Variants in HOOK1 observed in about 807,000 individuals in gnomAD.
HOOK1 encodes the protein protein Hook homolog 1.
In HOOK1, 60 loss-of-function variants were observed where a neutral mutation model predicts 112.8. The ratio of observed to expected loss-of-function variants is 0.53; its 90% confidence interval spans 0.43 to 0.66. HOOK1 has a LOEUF of 0.66. HOOK1 is among the 30% of genes least tolerant of loss of function. The pLI is 0.00. For synonymous variants in HOOK1, 294 were observed against 283.8 expected (o/e 1.04, Z -0.36); for missense variants, 770 against 856.0 (o/e 0.90, Z 1.25).
intron 19 of HOOK1, among the ~76,000 whole-genome samples, chr1:59,866,218 G>C (rs1229377061): frequency 6.6e-6 from 1 of 152,198 alleles, no homozygotes; most frequent in African/African-American, 2.4e-5. Context: ...CGTGATGTCA[G>C]AGAGAGTGAT....
chr1:59,833,891 CATAA>C (rs1375936081), intron 5 of HOOK1, among the ~76,000 whole-genome samples: 6 of 152,112 alleles, frequency 3.9e-5, no homozygotes, highest in South Asian at 2.1e-4. Context: ...ATTCAGTTTT[CATAA>C]ATAAATATTC....
At chr1:59,861,772 G>A (rs1048812744) in intron 15 of HOOK1, among the ~76,000 whole-genome samples, 14 of 152,114 alleles carry the variant, frequency 9.2e-5, no homozygotes, top group African/African-American at 3.4e-4. Flanking sequence ...TTACTATAAG[G>A]GTATTTGGAT....
intron 4 of HOOK1, among the ~76,000 whole-genome samples, chr1:59,832,835 C>G (rs2098394951): frequency 6.6e-6 from 1 of 151,788 alleles, no homozygotes; most frequent in Non-Finnish European, 1.5e-5. Context: ...TAATTTCTTC[C>G]CAAAATGTTT....
intron 15 of HOOK1, 52 bp downstream of exon 15, chr1:59,860,380 TA>T: frequency 6.9e-7 from 1 of 1,444,924 alleles, no homozygotes; most frequent in Non-Finnish European, 9.3e-7. Context: ...TACCGAGCCA[TA>T]AAATCTTGAT....
chr1:59,848,459 A>G lies in HOOK1; in HGVS notation c.1074A>G (p.Glu358=). Residue 358 remains glutamate (E), a synonymous_variant, in exon 11 of 22, where the codon GAA becomes GAG. Transcript: ENST00000371208. ...ATATGCATAATACAGTCAGCTTAGA[A>G]GAAGAATTAAAAAAAGCAAATGCAG... ...MMYMHNTVSL[E]EELKKANAAR... The G allele has an allele frequency of 6.2e-7, 1 of 1,610,798 alleles. No individual in the cohort carries two copies. Among genetic ancestry groups the G allele is most frequent in the Non-Finnish European group, 8.5e-7 (1 of 1,177,670 alleles).
Position 59,830,166 on chromosome 1 carries a change from A to T in HOOK1, c.222+1314A>T, listed in dbSNP as rs148583601. ...CCATGTGCATATGAAAACAGCATGC[A>T]TTCTACAGTTGTTATATAAATATAG... is the stretch of plus-strand genomic sequence containing the variant. On this transcript the variant is annotated intron_variant, in intron 3 of 21. Coordinates refer to ENST00000371208, the MANE Select transcript of HOOK1 (RefSeq NM_015888.6). 5.4e-3 allele frequency among the ~76,000 whole-genome samples: 818 copies of T among 152,182 alleles called. 11 individuals are homozygous for T. The highest frequency in any genetic ancestry group is 0.016 in the African/African-American group (684 of 41,554).
chr1:59,866,358 A>G (rs900127438), intron 19 of HOOK1, among the ~76,000 whole-genome samples: 1 of 152,178 alleles, frequency 6.6e-6, no homozygotes, highest in Non-Finnish European at 1.5e-5. Flanking sequence ...ATCTTTTGTA[A>G]AAGTTTAGCT....
At chr1:59,852,239 T>C (rs2098407527) in intron 12 of HOOK1, among the ~76,000 whole-genome samples, 1 of 151,760 alleles carries the variant, frequency 6.6e-6, no homozygotes, top group Non-Finnish European at 1.5e-5. Flanking sequence ...TTAATTCTTC[T>C]TTAAATGTTT....
At chr1:59,847,299 A>T (rs775600538) in intron 10 of HOOK1, 114 bp downstream of exon 10, 24 of 913,762 alleles carry the variant, frequency 2.6e-5, no homozygotes, top group Non-Finnish European at 3.2e-5. Context: ...TCAAGTATTG[A>T]TCAGTTTTTA....
intron 15 of HOOK1, 74 bp downstream of exon 15, chr1:59,860,402 G>A: frequency 2.3e-6 from 3 of 1,302,542 alleles, no homozygotes; most frequent in East Asian, 2.5e-5. Flanking sequence ...TCACAGAAAT[G>A]GAAAATATTA....
At chr1:59,864,187 A>G (rs1181531278) in intron 16 of HOOK1, among the ~76,000 whole-genome samples, 1 of 151,922 alleles carries the variant, frequency 6.6e-6, no homozygotes, top group African/African-American at 2.4e-5. Context: ...TACAACTATA[A>G]TAAAATTTTA....
At chr1:59,866,414 ATAGT>A (rs1178638612) in intron 19 of HOOK1, among the ~76,000 whole-genome samples, 1 of 152,216 alleles carries the variant, frequency 6.6e-6, no homozygotes, top group African/African-American at 2.4e-5. Flanking sequence ...TTGAGATTAG[ATAGT>A]TAAACGCTTT....
intron 6 of HOOK1, among the ~76,000 whole-genome samples, chr1:59,836,069 C>T (rs546328678): frequency 2.8e-4 from 43 of 151,672 alleles, no homozygotes; most frequent in African/African-American, 5.6e-4. Flanking sequence ...TTTTTTTCTT[C>T]CAGTTATAAC....
chr1:59,855,502 T>C (rs967305763), intron 12 of HOOK1, among the ~76,000 whole-genome samples: 3 of 152,202 alleles, frequency 2.0e-5, no homozygotes. Context: ...CCATGGTGTA[T>C]ATGTACCACA....
intron 3 of HOOK1, among the ~76,000 whole-genome samples, chr1:59,829,628 C>A (rs1186532467): frequency 6.6e-6 from 1 of 151,892 alleles, no homozygotes; most frequent in Non-Finnish European, 1.5e-5. Context: ...CTTTTCTTTT[C>A]CTGCTATTGG....
At position 59,833,417 on chromosome 1, in the gene HOOK1, C is replaced by A; in HGVS notation, c.286C>A (p.Gln96Lys). The A allele has an allele frequency of 6.6e-7, 1 of 1,518,880 alleles. No individual in the cohort carries two copies. Among genetic ancestry groups the A allele is most frequent in the Admixed American group, 1.9e-5 (1 of 52,610 alleles). The allele number at this position is 1,518,880 out of a possible 1,614,324, so 94.1% of individuals were successfully genotyped here. ...MSYYHEFLGQ[Q>K]ISEALIPDLN... ...TTTAATATTGTAGTTTTTGGGGCAG[C>A]AGATTTCAGAAGCACTTATCCCTGA... The change falls in exon 5 of 22, where the codon CAG (glutamine) becomes AAG (lysine). Residue 96 changes from glutamine to lysine, a missense_variant. Physicochemically the swap from Gln to Lys is moderately conservative, Grantham distance 53. Coordinates refer to ENST00000371208, the MANE Select transcript of HOOK1 (RefSeq NM_015888.6).
At chr1:59,832,098 A>C in intron 3 of HOOK1, 65 bp from the exon 4 acceptor site, 3 of 885,236 alleles carry the variant, frequency 3.4e-6, no homozygotes, top group Non-Finnish European at 5.3e-6. Flanking sequence ...ATTGTCTTTC[A>C]TGCTGACATA....
At chr1:59,829,916 A>AAAATATTTTATTTC (rs2098392576) in intron 3 of HOOK1, among the ~76,000 whole-genome samples, 1 of 152,060 alleles carries the variant, frequency 6.6e-6, no homozygotes, top group Non-Finnish European at 1.5e-5. Context: ...ATTTTCATTC[A>AAAATATTTTATTTC]GTTCAAAATA....
In HOOK1 at chr1:59,815,070, G is replaced by A; in HGVS notation, c.-48G>A. ...GCCGGCTCCTGGAGGAGAGCCGGTA[G>A]GAGGGAGTGTGAAGGTGTCCGCGGC... is the stretch of plus-strand genomic sequence containing the variant. On this transcript the variant is annotated 5_prime_UTR_variant, in exon 1 of 22. Transcript: ENST00000371208. 7.3e-7 allele frequency: 1 copy of A among 1,374,746 alleles called. No homozygotes were observed. The highest frequency in any genetic ancestry group is 2.8e-5 in the Admixed American group (1 of 35,620). The allele number at this position is 1,374,746 out of a possible 1,614,324, so 85.2% of individuals were successfully genotyped here.
Sources: allele counts gnomAD v4.1 joint callset (sites outside exome capture counted in the v4.1 genomes callset), GRCh38; gene constraint gnomAD v4.1.1; transcripts MANE v1.5; gene names NCBI Gene and HGNC (gene_info 2026-07-23, HGNC 2026-07-21).